Variants in ZDHHC14 observed in about 807,000 individuals in gnomAD.
The protein encoded by ZDHHC14 is palmitoyltransferase ZDHHC14.
Under a neutral mutation model 47.7 loss-of-function variants are expected in ZDHHC14, and 16 were observed. That is an observed-to-expected ratio of 0.34 (90% CI 0.23 to 0.51). ZDHHC14 has a LOEUF of 0.51. Among genes scored for constraint, ZDHHC14 ranks in the 20% least tolerant of loss-of-function variants. The probability of loss-of-function intolerance (pLI) is 0.97; values close to 1 mark genes in which losing one functional copy is unlikely to be tolerated. For synonymous variants in ZDHHC14, 293 were observed against 278.9 expected (o/e 1.05, Z -0.50); for missense variants, 515 against 662.5 (o/e 0.78, Z 2.44).
At chr6:157,632,726 A>G in intron 4 of ZDHHC14, 108 bp from the exon 5 acceptor site, 1 of 1,104,608 alleles carries the variant, frequency 9.1e-7, no homozygotes. Flanking sequence ...TACAAAATAG[A>G]ATTATTTCAT....
chr6:157,611,395 C>G (rs1784744602), intron 3 of ZDHHC14, among the ~76,000 whole-genome samples: 1 of 152,134 alleles, frequency 6.6e-6, no homozygotes, highest in African/African-American at 2.4e-5. Flanking sequence ...CTTTTTTATT[C>G]TGTGCATTTA....
intron 5 of ZDHHC14, among the ~76,000 whole-genome samples, chr6:157,633,732 TG>T (rs1432236296): frequency 2.0e-5 from 3 of 152,230 alleles, no homozygotes; most frequent in African/African-American, 7.2e-5. Flanking sequence ...CCACCCAGGC[TG>T]GAGTGCAGTG....
At chr6:157,593,183 G>A (rs1303764926) in intron 3 of ZDHHC14, 37 bp downstream of exon 3, 1 of 1,582,164 alleles carries the variant, frequency 6.3e-7, no homozygotes, top group African/African-American at 1.4e-5. Flanking sequence ...CGGGAGCCCG[G>A]GTCCTCCGGG....
At chr6:157,606,752 G>A (rs1380216411) in intron 3 of ZDHHC14, among the ~76,000 whole-genome samples, 5 of 152,216 alleles carry the variant, frequency 3.3e-5, no homozygotes, top group Non-Finnish European at 7.3e-5. Context: ...TTGCTTCTAG[G>A]GTTTGTTTAG....
intron 1 of ZDHHC14, among the ~76,000 whole-genome samples, chr6:157,419,610 G>T (rs570226650): frequency 2.2e-4 from 34 of 152,154 alleles, no homozygotes; most frequent in Non-Finnish European, 3.2e-4. Flanking sequence ...TGCATCCAAG[G>T]TTCCTTTGTA....
At chr6:157,551,486 T>A (rs1007956506) in intron 2 of ZDHHC14, among the ~76,000 whole-genome samples, 1 of 152,160 alleles carries the variant, frequency 6.6e-6, no homozygotes, top group Admixed American at 6.5e-5. Flanking sequence ...AATATCTAAA[T>A]CTTTGCTACT....
rs1372815196 is a variant in ZDHHC14 at position 157,672,908 on chromosome 6, T to C, written c.1253T>C (p.Leu418Pro). 6.2e-7 allele frequency: 1 copy of C among 1,604,862 alleles called. No individual in the cohort carries two copies. The highest frequency in any genetic ancestry group is 8.5e-7 in the Non-Finnish European group (1 of 1,177,214). ...PPTPPASMPN[L>P]AEATLADVMP... ...ACACCGCCCGCCTCCATGCCCAACC[T>C]CGCCGAGGCCACGCTCGCGGACGTG... Residue 418 changes from leucine to proline, a missense_variant, in exon 9 of 9, where the codon CTC becomes CCC. Leu to Pro is a moderately conservative substitution (Grantham distance 98). Coordinates refer to ENST00000359775, the MANE Select transcript of ZDHHC14 (RefSeq NM_024630.3).
intron 1 of ZDHHC14, among the ~76,000 whole-genome samples, chr6:157,465,906 G>T (rs1479870791): frequency 1.3e-5 from 2 of 152,168 alleles, no homozygotes; most frequent in African/African-American, 4.8e-5. Flanking sequence ...GCCGGGCATG[G>T]TGGCGGGTGC....
intron 2 of ZDHHC14, among the ~76,000 whole-genome samples, chr6:157,587,515 G>T (rs1025889018): frequency 1.3e-5 from 2 of 152,190 alleles, no homozygotes; most frequent in African/African-American, 4.8e-5. Flanking sequence ...CCAAAAGAGG[G>T]TATCCTGCTT....
chr6:157,433,576 T>C (rs1431171838), intron 1 of ZDHHC14, among the ~76,000 whole-genome samples: 3 of 152,220 alleles, frequency 2.0e-5, no homozygotes, highest in African/African-American at 7.2e-5. Context: ...TGTTTTGTCC[T>C]GGTTACAACG....
intron 3 of ZDHHC14, among the ~76,000 whole-genome samples, chr6:157,617,417 T>C (rs1400560745): frequency 1.3e-5 from 2 of 152,194 alleles, no homozygotes; most frequent in Non-Finnish European, 2.9e-5. Flanking sequence ...TGGGTTCTGC[T>C]TGGACTCATC....
chr6:157,587,495 G>A (rs913768636), intron 2 of ZDHHC14, among the ~76,000 whole-genome samples: 3 of 152,208 alleles, frequency 2.0e-5, no homozygotes, highest in African/African-American at 7.2e-5. Flanking sequence ...CCAGGCAGAT[G>A]TGGCACCTGC....
chr6:157,659,276 T>C (rs1402353865), intron 8 of ZDHHC14, among the ~76,000 whole-genome samples: 1 of 152,238 alleles, frequency 6.6e-6, no homozygotes, highest in Non-Finnish European at 1.5e-5. Context: ...ATTGGTATTT[T>C]GTATTTTTTA....
chr6:157,576,973 T>C (rs1285640151), intron 2 of ZDHHC14, among the ~76,000 whole-genome samples: 1 of 152,136 alleles, frequency 6.6e-6, no homozygotes, highest in Non-Finnish European at 1.5e-5. Flanking sequence ...ATCACCCAGG[T>C]ACTACCCCAC....
chr6:157,603,231 A>G (rs1015649621), intron 3 of ZDHHC14, among the ~76,000 whole-genome samples: 10 of 152,332 alleles, frequency 6.6e-5, no homozygotes, highest in African/African-American at 1.9e-4. Context: ...AGTGGCTGCT[A>G]TGTGCACGTA....
chr6:157,646,064 A>G (rs1777540189), intron 6 of ZDHHC14, among the ~76,000 whole-genome samples: 2 of 152,138 alleles, frequency 1.3e-5, no homozygotes, highest in South Asian at 4.1e-4. Context: ...TCCATTAGTT[A>G]CTAAGATTGG....
At chr6:157,531,572 G>GTA (rs1169053755) in intron 1 of ZDHHC14, among the ~76,000 whole-genome samples, 1 of 152,002 alleles carries the variant, frequency 6.6e-6, no homozygotes. Context: ...TCTTTTGTTT[G>GTA]TAGTGTGCTG....
chr6:157,504,944 G>A (rs1291403185), intron 1 of ZDHHC14, among the ~76,000 whole-genome samples: 1 of 151,364 alleles, frequency 6.6e-6, no homozygotes, highest in Non-Finnish European at 1.5e-5. Flanking sequence ...TGGAGTAGCT[G>A]GGATTACAGG....
chr6:157,571,830 G>A (rs1047698655), intron 2 of ZDHHC14, among the ~76,000 whole-genome samples: 2 of 137,618 alleles, frequency 1.5e-5, no homozygotes, highest in African/African-American at 5.6e-5. Flanking sequence ...TTTCGTGAAT[G>A]GTGCTTGGGG....
Sources: gnomAD v4.1 joint callset for allele counts (sites outside exome capture counted in the v4.1 genomes callset) on GRCh38, gnomAD v4.1.1 for gene constraint, MANE v1.5 for transcripts, NCBI Gene and HGNC (gene_info 2026-07-23, HGNC 2026-07-21) for gene names.